STK11: variants seen among roughly 807,000 people sequenced by gnomAD.
The protein encoded by STK11 is serine/threonine kinase 11, also known as serine/threonine-protein kinase STK11.
In STK11, 8 loss-of-function variants were observed where a neutral mutation model predicts 47.3. The ratio of observed to expected loss-of-function variants is 0.17; its 90% CI spans 0.10 to 0.31. The LOEUF is 0.31. Among genes scored for constraint, STK11 ranks in the 10% least tolerant of loss-of-function variants. The pLI, the probability that STK11 is intolerant of heterozygous loss-of-function variation, is 1.00. For missense variants in STK11, 475 were observed against 605.0 expected, an observed-to-expected ratio of 0.79 and a Z score of 2.25; for synonymous variants, 330 against 255.8, an observed-to-expected ratio of 1.29 and a Z score of -2.77.
At chr19:1,227,402 C>G in intron 9 of STK11, 191 bp from the exon 10 acceptor site, 1 of 436,472 alleles carries the variant, frequency 2.3e-6, no homozygotes, top group Non-Finnish European at 3.2e-6. Flanking sequence ...CCCGCCAGGC[C>G]CCACTGCAAA....
At chr19:1,207,762 G>A (rs892246881) in intron 1 of STK11, among the ~76,000 whole-genome samples, 2 of 152,364 alleles carry the variant, frequency 1.3e-5, no homozygotes, top group South Asian at 2.1e-4. Flanking sequence ...TGCCAGGGAT[G>A]TGACGCTGGA....
intron 5 of STK11, among the ~76,000 whole-genome samples, 152 bp downstream of exon 5, chr19:1,220,869 T>C (rs935988111): frequency 1.3e-5 from 2 of 152,180 alleles, no homozygotes; most frequent in Admixed American, 6.5e-5. Context: ...TTTATGGAAA[T>C]GTAACTCATA....
In STK11 at chr19:1,206,437, C is replaced by T. The variant is rs1263437016; in HGVS notation, c.-477C>T. 4 of 237,380 alleles carry T rather than the reference C, an allele frequency of 1.7e-5. No individual in the cohort carries two copies. The highest frequency in any genetic ancestry group is 6.6e-5 in the African/African-American group (3 of 45,360). The allele number at this position is 237,380 out of a possible 1,614,324, so 14.7% of individuals were successfully genotyped here. ...AGTTGGGCTCTCCAGGTGTGGGGGT[C>T]CCGGGGGGTAGCGACGTCGCGGACC... On this transcript the variant is annotated 5_prime_UTR_variant, in exon 1 of 10. Coordinates refer to ENST00000326873, the MANE Select transcript of STK11 (RefSeq NM_000455.5).
At chr19:1,225,443 T>C in intron 8 of STK11, 2 of 803,652 alleles carry the variant, frequency 2.5e-6, no homozygotes, top group Middle Eastern at 6.4e-4. Flanking sequence ...CTAATTTTTG[T>C]ATGTTTAGTA....
At position 1,206,652 on chromosome 19, in the gene STK11, G is replaced by T; in HGVS notation, c.-262G>T. 1 of 523,372 alleles carries T rather than the reference G, an allele frequency of 1.9e-6. No individual in the cohort carries two copies. Among genetic ancestry groups the T allele is most frequent in the South Asian group, 2.6e-5 (1 of 38,636 alleles). 32.4% of individuals were successfully genotyped at this position (523,372 alleles called of 1,614,324 possible). On this transcript the variant is annotated 5_prime_UTR_variant, in exon 1 of 10. Transcript: ENST00000326873. ...TGAGGCCCGGGTCCCACTGGAACTCGCGTCTGAGCCGCCGTCCCGGACCCC... is the reference window on the plus strand; with the variant it reads ...TGAGGCCCGGGTCCCACTGGAACTCTCGTCTGAGCCGCCGTCCCGGACCCC...
In STK11 at chr19:1,228,037, G is replaced by A. The variant is rs921252025; in HGVS notation, c.*461G>A. ...CGCGGCCGCTTTGGTTTTTTGTTTG[G>A]TTGGTTCCATTTTCTTTTTTTCTTT... On this transcript the variant is annotated 3_prime_UTR_variant, in exon 10 of 10. Transcript: ENST00000326873. The A allele has an allele frequency of 3.3e-5, 35 of 1,066,088 alleles. No homozygotes were observed. The African/African-American group carries it at 5.4e-4, about 16-fold the overall frequency. 66.0% of individuals were successfully genotyped at this position (1,066,088 alleles called of 1,614,324 possible).
In STK11 at chr19:1,227,773, G is replaced by T. The variant is rs1275150260; in HGVS notation, c.*197G>T. On this transcript the variant is annotated 3_prime_UTR_variant, in exon 10 of 10. Coordinates refer to ENST00000326873, the MANE Select transcript of STK11 (RefSeq NM_000455.5). ...GGACCGGGCGCAGCCCTCCCCCCTC[G>T]GCCGCCCGGCAGTGCACGCGGCTTG... 9.3e-7 allele frequency: 1 copy of T among 1,073,648 alleles called. No homozygotes were observed. Among genetic ancestry groups the T allele is most frequent in the East Asian group, 4.7e-5 (1 of 21,138 alleles). The allele number at this position is 1,073,648 out of a possible 1,614,324, so 66.5% of individuals were successfully genotyped here. A position where few individuals can be genotyped will look rare whatever the true frequency, so the allele number is the denominator to read the frequency against.
rs146030463 is a variant in STK11 at position 1,211,947 on chromosome 19, G to A, written c.290+4744G>A. ...TTCCAGCATCTGCTGAGGCCCCTGC[G>A]CCAGCCATGTGAGGCCTGGGTGTCC... On this transcript the variant is annotated intron_variant, in intron 1 of 9. Transcript: ENST00000326873. Among the ~76,000 whole-genome samples, 50 of 152,326 alleles carry A rather than the reference G, an allele frequency of 3.3e-4. No individual in the cohort carries two copies. The East Asian group carries it at 9.1e-3, about 28-fold the overall frequency.
At chr19:1,222,029 G>A (rs2145429000) in intron 7 of STK11, 23 bp downstream of exon 7, 1 of 1,559,806 alleles carries the variant, frequency 6.4e-7, no homozygotes, top group South Asian at 1.2e-5. Context: ...TGGGGGCAGT[G>A]GGGCCGAGGC....
intron 1 of STK11, among the ~76,000 whole-genome samples, chr19:1,216,555 G>A (rs996632193): frequency 6.6e-6 from 1 of 151,072 alleles, no homozygotes; most frequent in Non-Finnish European, 1.5e-5. Context: ...ACTCTGGCCT[G>A]GCGACAGAGT....
intron 1 of STK11, among the ~76,000 whole-genome samples, chr19:1,218,162 C>G (rs1362390899): frequency 6.6e-6 from 1 of 151,980 alleles, no homozygotes; most frequent in Non-Finnish European, 1.5e-5. Flanking sequence ...AAAAAGTGTC[C>G]TAACTGTGTC....
chr19:1,211,353 G>A (rs2080708866), intron 1 of STK11, among the ~76,000 whole-genome samples: 1 of 152,140 alleles, frequency 6.6e-6, no homozygotes, highest in African/African-American at 2.4e-5. Context: ...GGTTCCTAGG[G>A]TGGAGCAGGG....
At chr19:1,222,781 G>A (rs1233026715) in intron 7 of STK11, among the ~76,000 whole-genome samples, 1 of 152,188 alleles carries the variant, frequency 6.6e-6, no homozygotes, top group Non-Finnish European at 1.5e-5. Context: ...GGGTGGAGGG[G>A]ACATCTGTCA....
At chr19:1,224,244 C>T in intron 8 of STK11, 1 of 985,336 alleles carries the variant, frequency 1.0e-6, no homozygotes, top group Non-Finnish European at 1.2e-6. Flanking sequence ...TGTGGGGGCC[C>T]CCCAGGAGGG....
chr19:1,226,766 G>A (rs993546057), intron 9 of STK11, 103 bp downstream of exon 9: 19 of 1,325,046 alleles, frequency 1.4e-5, no homozygotes, highest in African/African-American at 4.6e-5. Context: ...TGACCGTCAC[G>A]TGGCTGCGCG....
In STK11 at chr19:1,220,665, C is replaced by G. The variant is rs1599926930; in HGVS notation, c.682C>G (p.Leu228Val). 1 of 1,611,100 alleles carries G rather than the reference C, an allele frequency of 6.2e-7. No homozygotes were observed. Among genetic ancestry groups the G allele is most frequent in the Non-Finnish European group, 8.5e-7 (1 of 1,179,242 alleles). ...CCAGCCGCCCGAGATTGCCAACGGC[C>G]TGGACACCTTCTCCGGCTTCAAGGT... ...AFQPPEIANGLDTFSGFKVDI... is the reference protein window; with the variant it reads ...AFQPPEIANGVDTFSGFKVDI... Residue 228 changes from leucine to valine, a missense_variant, in exon 5 of 10, where the codon CTG becomes GTG. Transcript: ENST00000326873.
chr19:1,220,108 G>A (rs910149771), intron 3 of STK11: 3 of 460,516 alleles, frequency 6.5e-6, no homozygotes, highest in Admixed American at 3.7e-5. Flanking sequence ...ACTTTGGGGT[G>A]CAGCCGGCCT....
At chr19:1,226,901 G>C in intron 9 of STK11, 1 of 537,054 alleles carries the variant, frequency 1.9e-6, no homozygotes, top group Non-Finnish European at 3.2e-6. Context: ...GGCTCTGGGG[G>C]GGCGTGCCGT....
In STK11 at chr19:1,216,989, G is replaced by A. The variant is rs141821205; in HGVS notation, c.291-1428G>A. Among the ~76,000 whole-genome samples, 16 of 152,030 alleles carry A rather than the reference G, an allele frequency of 1.1e-4. No homozygotes were observed. In the East Asian group the frequency reaches 1.4e-3, roughly 13 times the overall value. On this transcript the variant is annotated intron_variant, in intron 1 of 9. Transcript: ENST00000326873. ...GCGTGGATGGGCTGTGCTGATCCTCGTCTGTGGAAGGGCCCCTGGGTGGTT... is the reference window on the plus strand; with the variant it reads ...GCGTGGATGGGCTGTGCTGATCCTCATCTGTGGAAGGGCCCCTGGGTGGTT...
Sources: allele counts gnomAD v4.1 joint callset (sites outside exome capture counted in the v4.1 genomes callset), GRCh38; gene constraint gnomAD v4.1.1; transcripts MANE v1.5; gene names NCBI Gene and HGNC (gene_info 2026-07-23, HGNC 2026-07-21).